The following CUX2 variants were observed in gnomAD, a reference collection of about 807,000 sequenced individuals.
CUX2 encodes homeobox protein cut-like 2.
A neutral mutation model predicts 144.8 loss-of-function variants in CUX2; 40 were observed. The ratio of observed to expected loss-of-function variants is 0.28; its 90% CI spans 0.21 to 0.36. The LOEUF (loss-of-function observed/expected upper bound fraction) is 0.36. Ranked by LOEUF, CUX2 falls within the 10% of genes least tolerant of loss-of-function variation. CUX2 has a pLI of 1.00. For missense variants in CUX2, 1,615 were observed against 1,994.0 expected (o/e 0.81, Z 3.62); for synonymous variants, 827 against 875.6 (o/e 0.94, Z 0.98).
At chr12:111,182,270 A>G (rs1879234803) in intron 1 of CUX2, among the ~76,000 whole-genome samples, 1 of 152,212 alleles carries the variant, frequency 6.6e-6, no homozygotes, top group Non-Finnish European at 1.5e-5. Flanking sequence ...AAAGGTTGGC[A>G]CCACTTGAAA....
intron 1 of CUX2, among the ~76,000 whole-genome samples, chr12:111,121,671 A>G (rs1874704321): frequency 6.6e-6 from 1 of 151,414 alleles, no homozygotes; most frequent in Non-Finnish European, 1.5e-5. Context: ...CAATAAACGT[A>G]TTTTCTATAA....
chr12:111,142,343 G>A (rs190103453), intron 1 of CUX2, among the ~76,000 whole-genome samples: 31 of 152,082 alleles, frequency 2.0e-4, no homozygotes, highest in Non-Finnish European at 3.1e-4. Context: ...ATAAAAGATC[G>A]TCCCAATTTA....
At chr12:111,330,690 T>TACATATAC (rs1177996902) in intron 18 of CUX2, among the ~76,000 whole-genome samples, 16 of 9,966 alleles carry the variant, frequency 1.6e-3, no homozygotes, top group African/African-American at 3.9e-3. Flanking sequence ...CATATACATA[T>TACATATAC]ATATATATAT....
chr12:111,095,564 T>A (rs1234781824), intron 1 of CUX2, among the ~76,000 whole-genome samples: 1 of 152,146 alleles, frequency 6.6e-6, no homozygotes, highest in Non-Finnish European at 1.5e-5. Context: ...GAGTCTTTAT[T>A]TCCTGGTCTA....
chr12:111,234,754 T>C (rs1402569603), intron 3 of CUX2, among the ~76,000 whole-genome samples: 2 of 149,574 alleles, frequency 1.3e-5, no homozygotes, highest in African/African-American at 5.0e-5. Flanking sequence ...AGTCTCCCTC[T>C]GTCACCCAGG....
At chr12:111,142,696 G>A (rs751211003) in intron 1 of CUX2, among the ~76,000 whole-genome samples, 34 of 152,244 alleles carry the variant, frequency 2.2e-4, no homozygotes, top group Non-Finnish European at 1.0e-4. Flanking sequence ...GACAGCAGCC[G>A]TTTCATATTT....
chr12:111,073,674 C>T lies in CUX2; in HGVS notation c.63+39434C>T, dbSNP rs116712220. On this transcript the variant is annotated intron_variant, in intron 1 of 21. Coordinates refer to ENST00000261726, the MANE Select transcript of CUX2 (RefSeq NM_015267.4). The stretch of plus-strand genomic sequence containing the variant: ...AAATTGTAACAATGAAAAATGTCTC[C>T]GGGGGCTGGTCATGGTGGCTTATGC... Among the ~76,000 whole-genome samples the T allele has an allele frequency of 9.7e-3, 1,472 of 152,074 alleles. 21 individuals are homozygous for T. Among genetic ancestry groups the T allele is most frequent in the African/African-American group, 0.016 (678 of 41,382 alleles).
At chr12:111,086,412 G>C (rs1352773200) in intron 1 of CUX2, among the ~76,000 whole-genome samples, 1 of 152,206 alleles carries the variant, frequency 6.6e-6, no homozygotes, top group African/African-American at 2.4e-5. Context: ...CTAATGATGA[G>C]AGCTTAGAAC....
chr12:111,098,399 C>CA (rs537665407), intron 1 of CUX2, among the ~76,000 whole-genome samples: 4,757 of 84,950 alleles, frequency 0.056, 115 homozygotes, highest in African/African-American at 0.1. Context: ...GACTTCGTCT[C>CA]AAAAAAAAAA....
intron 1 of CUX2, among the ~76,000 whole-genome samples, chr12:111,045,346 A>G (rs537482804): frequency 6.6e-6 from 1 of 152,246 alleles, no homozygotes; most frequent in African/African-American, 2.4e-5. Flanking sequence ...TATTCATTTG[A>G]TGAGCATTAT....
intron 3 of CUX2, among the ~76,000 whole-genome samples, chr12:111,225,986 G>A (rs529838585): frequency 2.3e-4 from 35 of 152,114 alleles, no homozygotes; most frequent in Admixed American, 4.6e-4. Flanking sequence ...CCCTTTTTCC[G>A]CTGCCGGAGT....
chr12:111,253,325 TTTC>T (rs1387040797), intron 3 of CUX2, among the ~76,000 whole-genome samples: 2 of 98,542 alleles, frequency 2.0e-5, no homozygotes, highest in Admixed American at 1.1e-4. Context: ...CCCGACCCCC[TTTC>T]TTCTTCCCCT....
Position 111,118,402 on chromosome 12 carries a change from G to A in CUX2, c.63+84162G>A, listed in dbSNP as rs139009467. On this transcript the variant is annotated intron_variant, in intron 1 of 21. Transcript: ENST00000261726. Reference sequence around the variant, plus strand: ...CCTGTACATCTCTCCCTAGCTGTGCGCTCAGTGATGTCCAGTTGGTAGATT... The same window carrying A: ...CCTGTACATCTCTCCCTAGCTGTGCACTCAGTGATGTCCAGTTGGTAGATT... Among the ~76,000 whole-genome samples the A allele has an allele frequency of 2.3e-3, 345 of 152,244 alleles. 3 individuals are homozygous for A. Among genetic ancestry groups the A allele is most frequent in the African/African-American group, 7.8e-3 (323 of 41,544 alleles).
intron 1 of CUX2, among the ~76,000 whole-genome samples, chr12:111,193,974 G>A (rs574870523): frequency 6.6e-6 from 1 of 151,992 alleles, no homozygotes; most frequent in South Asian, 2.1e-4. Flanking sequence ...ACCTTGCTGG[G>A]TGATAGGCTT....
At chr12:111,302,099 T>A (rs999075488) in intron 9 of CUX2, among the ~76,000 whole-genome samples, 2 of 152,204 alleles carry the variant, frequency 1.3e-5, no homozygotes, top group Non-Finnish European at 2.9e-5. Context: ...CAAGGCAAGA[T>A]ACGTATAAAT....
chr12:111,319,937 G>A (rs575224245), intron 16 of CUX2, 75 bp from the exon 17 acceptor site: 18 of 1,405,204 alleles, frequency 1.3e-5, no homozygotes, highest in African/African-American at 1.5e-5. Context: ...CATCAACAGG[G>A]ATGCTGTGAA....
chr12:111,245,224 G>GA (rs1156607982), intron 3 of CUX2, among the ~76,000 whole-genome samples: 5 of 151,986 alleles, frequency 3.3e-5, no homozygotes, highest in South Asian at 2.1e-4. Context: ...AAGGAGAGCA[G>GA]AAAAAATGCT....
intron 4 of CUX2, among the ~76,000 whole-genome samples, chr12:111,265,685 C>A (rs1592898663): frequency 6.6e-6 from 1 of 152,106 alleles, no homozygotes; most frequent in South Asian, 2.1e-4. Context: ...CTGCTACCTT[C>A]TCATTTACTG....
chr12:111,064,287 A>G (rs2136024093), intron 1 of CUX2, among the ~76,000 whole-genome samples: 1 of 152,282 alleles, frequency 6.6e-6, no homozygotes, highest in South Asian at 2.1e-4. Context: ...CTGTTCAACC[A>G]CCTGCTAATT....
Sources: gnomAD v4.1 joint callset for allele counts (sites outside exome capture counted in the v4.1 genomes callset) on GRCh38, gnomAD v4.1.1 for gene constraint, MANE v1.5 for transcripts, NCBI Gene and HGNC (gene_info 2026-07-23, HGNC 2026-07-21) for gene names.